Variants in BMP1 observed in about 807,000 individuals in gnomAD.
BMP1 encodes mammalian tolloid protein.
Under a neutral mutation model 116.8 loss-of-function variants are expected in BMP1, and 63 were observed. That is an observed-to-expected ratio of 0.54 (90% CI 0.44 to 0.67). The LOEUF (loss-of-function observed/expected upper bound fraction) is 0.67. Among genes scored for constraint, BMP1 ranks in the 30% least tolerant of loss-of-function variants. The pLI is 0.00. For missense variants in BMP1, 1,183 were observed against 1,358.9 expected (o/e 0.87, Z 2.04); for synonymous variants, 536 against 533.4 (o/e 1.00, Z -0.07).
chr8:22,201,644 C>G, intron 15 of BMP1, 159 bp from the exon 16 acceptor site: 2 of 1,380,320 alleles, frequency 1.4e-6, no homozygotes, highest in Non-Finnish European at 1.9e-6. Context: ...ACCCCCTTGT[C>G]GCCTGGCCTC....
intron 15 of BMP1, chr8:22,199,203 C>G (rs550765020): frequency 7.3e-7 from 1 of 1,367,626 alleles, no homozygotes; most frequent in East Asian, 4.6e-5. Flanking sequence ...GCAGAGGACC[C>G]CCACTGGGGG....
Position 22,197,338 on chromosome 8 carries a change from C to T in BMP1, c.2025C>T (p.Thr675=), listed in dbSNP as rs1484826240. 6 of 1,614,020 alleles carry T rather than the reference C, an allele frequency of 3.7e-6. No individual in the cohort carries two copies. The highest frequency in any genetic ancestry group is 1.7e-5 in the Admixed American group (1 of 60,010). ...GTTCTGAGAAGCCCGAGGTCATCAC[C>T]TCCCAGTACAACAACATGCGCGTGG... The part of the protein sequence containing the change: ...FCGSEKPEVI[T]SQYNNMRVEF... Residue 675 remains threonine, a synonymous_variant, in exon 15 of 20, where the codon ACC becomes ACT. Coordinates refer to ENST00000306385, the MANE Select transcript of BMP1 (RefSeq NM_006129.5).
chr8:22,200,695 G>A (rs1829234564), intron 15 of BMP1, among the ~76,000 whole-genome samples: 4 of 152,078 alleles, frequency 2.6e-5, no homozygotes, highest in Admixed American at 2.0e-4. Flanking sequence ...GTGTATTTGC[G>A]AGTGCGTGTG....
intron 3 of BMP1, 102 bp downstream of exon 3, chr8:22,176,415 G>A (rs1240005348): frequency 3.6e-5 from 55 of 1,548,254 alleles, no homozygotes; most frequent in Non-Finnish European, 3.5e-5. Context: ...TGCAGCCCGA[G>A]TGCCCACACA....
chr8:22,196,451 A>T lies in BMP1; in HGVS notation c.1766-229A>T, dbSNP rs1318039363. ...ATTTGCAGAGAAGATAGAAATGGCC[A>T]CACTTATGACCCCTTAGCTCCCCCA... On this transcript the variant is annotated intron_variant, in intron 13 of 19. Coordinates refer to ENST00000306385, the MANE Select transcript of BMP1 (RefSeq NM_006129.5). The T allele has an allele frequency of 6.5e-6, 4 of 618,268 alleles. No individual in the cohort carries two copies. In the African/African-American group the frequency reaches 7.4e-5, roughly 11 times the overall value. 38.3% of individuals were successfully genotyped at this position (618,268 alleles called of 1,614,324 possible).
chr8:22,193,271 G>C (rs1828985885), intron 9 of BMP1, among the ~76,000 whole-genome samples: 2 of 152,166 alleles, frequency 1.3e-5, no homozygotes, highest in African/African-American at 4.8e-5. Flanking sequence ...GATTTATTTA[G>C]GGTCCTGGGG....
chr8:22,208,369 C>G (rs932569276), intron 18 of BMP1, among the ~76,000 whole-genome samples: 7 of 152,386 alleles, frequency 4.6e-5, no homozygotes, highest in African/African-American at 1.7e-4. Context: ...TGGCCTGAAT[C>G]AGGCATGAGC....
intron 15 of BMP1, chr8:22,199,211 G>A (rs771627475): frequency 1.3e-5 from 18 of 1,367,440 alleles, no homozygotes; most frequent in South Asian, 1.2e-4. Context: ...CCCCCACTGG[G>A]GGCATCGAGG....
chr8:22,177,262 G>A, intron 5 of BMP1, 123 bp downstream of exon 5: 2 of 1,067,534 alleles, frequency 1.9e-6, no homozygotes, highest in Non-Finnish European at 2.7e-6. Context: ...CCGCAGCGCT[G>A]CCCACAGCCT....
chr8:22,206,315 A>G (rs1829353364), intron 16 of BMP1, among the ~76,000 whole-genome samples: 1 of 152,206 alleles, frequency 6.6e-6, no homozygotes, highest in African/African-American at 2.4e-5. Context: ...TAGCCTGGCC[A>G]ACATGGCGAA....
chr8:22,165,618 G>C, intron 1 of BMP1, 65 bp downstream of exon 1: 16 of 1,493,184 alleles, frequency 1.1e-5, no homozygotes, highest in Non-Finnish European at 1.4e-5. Flanking sequence ...TCGGGCTTGG[G>C]GTTGGGGGAG....
chr8:22,197,072 G>A (rs766991928), intron 14 of BMP1, among the ~76,000 whole-genome samples, 168 bp from the exon 15 acceptor site: 8 of 152,198 alleles, frequency 5.3e-5, no homozygotes, highest in Non-Finnish European at 1.0e-4. Context: ...GGAGGCGTGT[G>A]GAGCAAGGGA....
intron 8 of BMP1, among the ~76,000 whole-genome samples, chr8:22,181,945 C>G (rs1158988954): frequency 6.6e-6 from 1 of 152,176 alleles, no homozygotes; most frequent in African/African-American, 2.4e-5. Context: ...TGCAGGATAA[C>G]TCACTCCCTC....
chr8:22,206,037 A>G (rs1396863339), intron 16 of BMP1, among the ~76,000 whole-genome samples: 1 of 152,212 alleles, frequency 6.6e-6, no homozygotes. Context: ...GTGACTGTCC[A>G]GGCTGCTGGA....
chr8:22,180,100 C>T (rs922880413), intron 7 of BMP1, among the ~76,000 whole-genome samples: 6 of 152,054 alleles, frequency 3.9e-5, no homozygotes, highest in African/African-American at 7.2e-5. Context: ...GGAGGTGGCA[C>T]GGAGCCCCAC....
At position 22,179,235 on chromosome 8, in the gene BMP1, G is replaced by C. The variant is rs1183978660; in HGVS notation, c.837-470G>C. On this transcript the variant is annotated intron_variant, in intron 6 of 19. Transcript: ENST00000306385. This position sits in a 1 kb window ranked among gnomAD's most constrained non-coding sequence, Gnocchi z 4.6. ...GAATCTGCCTTTGGCCTTGTTCCAG[G>C]TGCTTTCAGATGCAGCCTGTGCCAG... Among the ~76,000 whole-genome samples the C allele has an allele frequency of 1.3e-5, 2 of 152,268 alleles. No individual in the cohort carries two copies. The highest frequency in any genetic ancestry group is 2.9e-5 in the Non-Finnish European group (2 of 68,054).
rs1314956780 is a variant in BMP1 at position 22,194,187 on chromosome 8, G to A, written c.1297+13G>A. On this transcript the variant is annotated intron_variant, in intron 10 of 19. Coordinates refer to ENST00000306385, the MANE Select transcript of BMP1 (RefSeq NM_006129.5). The surrounding 1 kb of genome is among the most constrained non-coding windows in gnomAD (Gnocchi z 4.5). The stretch of plus-strand genomic sequence containing the variant: ...GCAGTCTACGAAGGTACTGAGGAAG[G>A]CGGCGGGCGGGAGGAGTCAGATAGG... The A allele has an allele frequency of 6.2e-7, 1 of 1,611,484 alleles. No homozygotes were observed.
At chr8:22,198,655 G>T (rs117768163) in intron 15 of BMP1, 1,591 of 158,176 alleles carry the variant, frequency 0.01, 22 homozygotes, top group Middle Eastern at 0.068. Context: ...CCACGGCCGA[G>T]TCCATGCTGC....
At chr8:22,173,924 A>T (rs1456469264) in intron 2 of BMP1, among the ~76,000 whole-genome samples, 1 of 152,224 alleles carries the variant, frequency 6.6e-6, no homozygotes, top group Non-Finnish European at 1.5e-5. Context: ...AAGAACTGAC[A>T]TTCTTTTTGT....
Sources: allele counts gnomAD v4.1 joint callset (sites outside exome capture counted in the v4.1 genomes callset), GRCh38; gene constraint gnomAD v4.1.1; non-coding constraint Gnocchi (gnomAD v3.1); transcripts MANE v1.5; gene names NCBI Gene and HGNC (gene_info 2026-07-23, HGNC 2026-07-21).